Variants in CPQ observed in about 807,000 individuals in gnomAD.
CPQ encodes carboxypeptidase Q.
CPQ carries 37 observed loss-of-function variants against 45.7 expected under a neutral mutation model. That is an observed-to-expected ratio of 0.81 (90% CI 0.62 to 1.07). CPQ has a LOEUF of 1.07. Ranked by LOEUF, CPQ falls within the 50% of genes least tolerant of loss-of-function variation. The pLI is 0.00. For missense variants in CPQ, 537 were observed against 572.9 expected (o/e 0.94, Z 0.64); for synonymous variants, 186 against 205.8 (o/e 0.90, Z 0.82).
intron 2 of CPQ, among the ~76,000 whole-genome samples, chr8:96,787,379 C>G (rs1044072514): frequency 6.6e-6 from 1 of 151,960 alleles, no homozygotes; most frequent in African/African-American, 2.4e-5. Flanking sequence ...GTTAAACAAA[C>G]CTTGCATTAC....
chr8:97,101,760 C>A (rs760618837), intron 7 of CPQ, among the ~76,000 whole-genome samples: 1 of 151,820 alleles, frequency 6.6e-6, no homozygotes, highest in Non-Finnish European at 1.5e-5. Flanking sequence ...TTTCAAAGAG[C>A]CTCCCTTATC....
intron 7 of CPQ, among the ~76,000 whole-genome samples, chr8:97,115,268 G>C (rs1037682772): frequency 6.6e-6 from 1 of 152,158 alleles, no homozygotes; most frequent in Non-Finnish European, 1.5e-5. Flanking sequence ...GATAATTACT[G>C]TTACCTGCAC....
intron 7 of CPQ, among the ~76,000 whole-genome samples, chr8:97,068,022 G>A (rs1810668772): frequency 6.6e-6 from 1 of 152,200 alleles, no homozygotes; most frequent in Non-Finnish European, 1.5e-5. Flanking sequence ...GTGAATGAGA[G>A]TGCAGACGGG....
chr8:97,072,186 C>G (rs998327105), intron 7 of CPQ, among the ~76,000 whole-genome samples: 2 of 152,066 alleles, frequency 1.3e-5, no homozygotes, highest in African/African-American at 4.8e-5. Context: ...TAGGGTGGGG[C>G]CCAGTATTCA....
At chr8:96,862,344 AGAGAG>A (rs1489300339) in intron 3 of CPQ, among the ~76,000 whole-genome samples, 2 of 151,390 alleles carry the variant, frequency 1.3e-5, no homozygotes, top group Non-Finnish European at 3.0e-5. Flanking sequence ...GAAAGGAGAG[AGAGAG>A]GAGAGAAAGA....
intron 3 of CPQ, among the ~76,000 whole-genome samples, chr8:96,871,457 G>A (rs1012801144): frequency 1.3e-5 from 2 of 150,964 alleles, no homozygotes; most frequent in Admixed American, 6.6e-5. Context: ...TTTGCCACAG[G>A]TGCTCAAATG....
chr8:97,127,290 A>G (rs1283744124), intron 7 of CPQ, among the ~76,000 whole-genome samples: 1 of 152,244 alleles, frequency 6.6e-6, no homozygotes, highest in Non-Finnish European at 1.5e-5. Flanking sequence ...AACTCAATTA[A>G]AAGGAGACTA....
In CPQ at chr8:96,854,339, G is replaced by A. The variant is rs917895648; in HGVS notation, c.641+19159G>A. Among the ~76,000 whole-genome samples, 95 of 151,124 alleles carry A rather than the reference G, an allele frequency of 6.3e-4. 1 individual carries two copies. The highest frequency in any genetic ancestry group is 9.7e-4 in the Non-Finnish European group (66 of 67,830). ...GAGGTCAGGAGATCGAGACCATCCC[G>A]GCTAAAACGGTGAAACCCCGTCTCT... On this transcript the variant is annotated intron_variant, in intron 3 of 7. Transcript: ENST00000220763.
At chr8:96,837,045 T>C (rs1225200729) in intron 3 of CPQ, among the ~76,000 whole-genome samples, 2 of 152,216 alleles carry the variant, frequency 1.3e-5, no homozygotes, top group African/African-American at 4.8e-5. Flanking sequence ...CTTTCCCATG[T>C]TACTTTATTT....
At chr8:96,914,756 G>A (rs1346973782) in intron 4 of CPQ, among the ~76,000 whole-genome samples, 1 of 152,082 alleles carries the variant, frequency 6.6e-6, no homozygotes, top group African/African-American at 2.4e-5. Context: ...CCCACCTCCA[G>A]CACACCGAAC....
intron 2 of CPQ, among the ~76,000 whole-genome samples, chr8:96,791,497 T>C (rs1810845129): frequency 6.6e-6 from 1 of 152,180 alleles, no homozygotes; most frequent in Non-Finnish European, 1.5e-5. Flanking sequence ...AGTTACTGAT[T>C]GCTCCTGAGA....
At chr8:96,685,390 G>T (rs1168343815) in intron 1 of CPQ, among the ~76,000 whole-genome samples, 1 of 151,818 alleles carries the variant, frequency 6.6e-6, no homozygotes, top group African/African-American at 2.4e-5. Flanking sequence ...ATCTGTCTCA[G>T]ATTTATTTTG....
At chr8:96,674,288 A>C (rs926979021) in intron 1 of CPQ, among the ~76,000 whole-genome samples, 2 of 152,130 alleles carry the variant, frequency 1.3e-5, no homozygotes, top group African/African-American at 4.8e-5. Flanking sequence ...GTCCTTAATG[A>C]TGTTGTGGTT....
chr8:96,951,206 A>G (rs530383754), intron 4 of CPQ, among the ~76,000 whole-genome samples: 10 of 152,188 alleles, frequency 6.6e-5, no homozygotes, highest in East Asian at 3.9e-4. Context: ...ATGCTTGTCA[A>G]TCGTTACAGA....
chr8:96,672,609 C>T (rs930314146), intron 1 of CPQ, among the ~76,000 whole-genome samples: 1 of 152,018 alleles, frequency 6.6e-6, no homozygotes, highest in African/African-American at 2.4e-5. Flanking sequence ...GAAACCCCAT[C>T]TCTACTAAAA....
intron 7 of CPQ, among the ~76,000 whole-genome samples, chr8:97,073,702 G>C (rs1464350553): frequency 1.3e-5 from 2 of 152,254 alleles, no homozygotes; most frequent in East Asian, 3.9e-4. Context: ...ATCTTGTGGA[G>C]TTTACATTGT....
chr8:96,990,064 C>T (rs1442229569), intron 5 of CPQ, among the ~76,000 whole-genome samples: 3 of 152,146 alleles, frequency 2.0e-5, no homozygotes, highest in African/African-American at 4.8e-5. Context: ...ACCACCCTCA[C>T]TCCCACCTCT....
At chr8:96,854,559 A>AAAAAAAAAAAAAAAAAAAG (rs71267283) in intron 3 of CPQ, among the ~76,000 whole-genome samples, 5 of 134,740 alleles carry the variant, frequency 3.7e-5, no homozygotes, top group African/African-American at 5.6e-5. Flanking sequence ...AAAAAAAAAA[A>AAAAAAAAAAAAAAAAAAAG]TGTGGTGGAA....
intron 4 of CPQ, among the ~76,000 whole-genome samples, chr8:96,915,000 A>G (rs1192041908): frequency 6.6e-6 from 1 of 152,158 alleles, no homozygotes; most frequent in African/African-American, 2.4e-5. Context: ...GAAATCTTCT[A>G]AGTTATCATA....
Sources: allele counts gnomAD v4.1 joint callset (sites outside exome capture counted in the v4.1 genomes callset), GRCh38; gene constraint gnomAD v4.1.1; transcripts MANE v1.5; gene names NCBI Gene and HGNC (gene_info 2026-07-23, HGNC 2026-07-21).